The following SLC41A2 variants were observed in gnomAD, a reference collection of about 807,000 sequenced individuals.
SLC41A2 encodes SLC41A1-like 1.
A neutral mutation model predicts 58.3 loss-of-function variants in SLC41A2; 32 were observed. That is an observed-to-expected ratio of 0.55 (90% confidence interval 0.41 to 0.74). SLC41A2 has a LOEUF of 0.74. SLC41A2 is among the 30% of genes least tolerant of loss of function. SLC41A2 has a pLI of 0.00. For synonymous variants in SLC41A2, 190 were observed against 235.0 expected, an observed-to-expected ratio of 0.81 and a Z score of 1.75; for missense variants, 514 against 680.6, an observed-to-expected ratio of 0.76 and a Z score of 2.72.
At chr12:104,870,118 A>G (rs1337886570) in intron 6 of SLC41A2, among the ~76,000 whole-genome samples, 1 of 152,232 alleles carries the variant, frequency 6.6e-6, no homozygotes, top group Non-Finnish European at 1.5e-5. Context: ...TGGGATGGGA[A>G]TATTATCCTG....
intron 3 of SLC41A2, 45 bp from the exon 4 acceptor site, chr12:104,895,390 T>C (rs748950255): frequency 1.3e-5 from 17 of 1,351,368 alleles, no homozygotes; most frequent in Non-Finnish European, 1.8e-5. Context: ...AAAATCTACA[T>C]GTTCTCTGCT....
rs535617637 is a variant in SLC41A2 at position 104,857,153 on chromosome 12, GCTT to G, written c.1255+4135_1255+4137del. The stretch of plus-strand genomic sequence containing the variant: ...TGGTATTTCAAGTATAGTGACATAA[GCTT>G]CTTATCCTATATGTAAAGTGGTTTA... On this transcript the variant is annotated intron_variant, in intron 8 of 10. Transcript: ENST00000258538. Among the ~76,000 whole-genome samples the G allele has an allele frequency of 5.1e-3, 783 of 152,300 alleles. 1 individual carries two copies. Among genetic ancestry groups the G allele is most frequent in the Middle Eastern group, 0.01 (3 of 294 alleles).
chr12:104,946,343 G>C (rs1216668275), intron 1 of SLC41A2, among the ~76,000 whole-genome samples: 1 of 152,080 alleles, frequency 6.6e-6, no homozygotes, highest in East Asian at 1.9e-4. Context: ...TGTGATCCTG[G>C]CTCACTTTTT....
chr12:104,843,236 C>T (rs907652954), intron 10 of SLC41A2, among the ~76,000 whole-genome samples: 6 of 151,542 alleles, frequency 4.0e-5, no homozygotes, highest in Non-Finnish European at 5.9e-5. Flanking sequence ...CTCTAGACTA[C>T]GAGACCTTGA....
chr12:104,908,173 G>A (rs2045933702), intron 3 of SLC41A2, among the ~76,000 whole-genome samples: 1 of 152,178 alleles, frequency 6.6e-6, no homozygotes, highest in Non-Finnish European at 1.5e-5. Flanking sequence ...GCTGAGGCAG[G>A]AGAATTGCTT....
intron 10 of SLC41A2, among the ~76,000 whole-genome samples, chr12:104,839,363 C>T (rs1324374188): frequency 6.6e-6 from 1 of 151,826 alleles, no homozygotes; most frequent in Non-Finnish European, 1.5e-5. Context: ...AACAGTAAAA[C>T]AAAAGGGGTT....
At chr12:104,887,649 G>T (rs1565874943) in intron 5 of SLC41A2, among the ~76,000 whole-genome samples, 1 of 151,992 alleles carries the variant, frequency 6.6e-6, no homozygotes, top group African/African-American at 2.4e-5. Flanking sequence ...CACATTTGAA[G>T]ATGTATATGG....
At chr12:104,845,203 G>T in intron 9 of SLC41A2, among the ~76,000 whole-genome samples, 1 of 152,074 alleles carries the variant, frequency 6.6e-6, no homozygotes, top group East Asian at 1.9e-4. Flanking sequence ...GATGTGGGAG[G>T]ATCACCTGAG....
At chr12:104,952,177 C>T (rs778523872) in intron 1 of SLC41A2, among the ~76,000 whole-genome samples, 1 of 152,062 alleles carries the variant, frequency 6.6e-6, no homozygotes, top group Non-Finnish European at 1.5e-5. Flanking sequence ...GAAACAGCAA[C>T]GTCATGTCTA....
chr12:104,861,315 C>T lies in SLC41A2; in HGVS notation c.1231G>A (p.Val411Ile), dbSNP rs764526539. The change falls in exon 8 of 11, where the codon GTT becomes ATT. Residue 411 changes from valine (V) to isoleucine (I), a missense_variant. This residue lies in a region of SLC41A2 where 50 missense variants were observed against 104.5 expected (regional missense o/e 0.48). Transcript: ENST00000258538. ...TVSDPNLVGI[V>I]VYTPVINGIG... ...CCATTAATAACTGGCGTGTAAACAACAATCCCAACCAAGTTTGGGTCTGAT... is the reference window on the plus strand; with the variant it reads ...CCATTAATAACTGGCGTGTAAACAATAATCCCAACCAAGTTTGGGTCTGAT... 2.5e-6 allele frequency: 4 copies of T among 1,613,220 alleles called. No individual in the cohort carries two copies. The highest frequency in any genetic ancestry group is 2.5e-6 in the Non-Finnish European group (3 of 1,179,356).
Position 104,803,974 on chromosome 12 carries a change from A to G in SLC41A2, c.*1178T>C, listed in dbSNP as rs902720752. On this transcript the variant is annotated 3_prime_UTR_variant, in exon 11 of 11. Coordinates refer to ENST00000258538, the MANE Select transcript of SLC41A2 (RefSeq NM_001352171.3). ...TAAAATAAGAAATTATTAATTATTA[A>G]TTAGAGTGTAGGTAACAAATTAGCT... The G allele has an allele frequency of 6.6e-6, 1 of 151,604 alleles. No homozygotes were observed. Among genetic ancestry groups the G allele is most frequent in the Non-Finnish European group, 1.5e-5 (1 of 67,916 alleles). 9.4% of individuals were successfully genotyped at this position (151,604 alleles called of 1,614,324 possible).
intron 7 of SLC41A2, among the ~76,000 whole-genome samples, chr12:104,863,196 G>A (rs980620892): frequency 5.3e-5 from 8 of 152,290 alleles, no homozygotes; most frequent in Non-Finnish European, 7.4e-5. Flanking sequence ...CCAGCACTCC[G>A]GGAGGCCGAA....
chr12:104,901,687 C>A (rs1368008619), intron 3 of SLC41A2, among the ~76,000 whole-genome samples: 1 of 152,046 alleles, frequency 6.6e-6, no homozygotes, highest in Non-Finnish European at 1.5e-5. Flanking sequence ...GTAGCTAAGA[C>A]CGCAGGTATG....
chr12:104,861,449 C>A, intron 7 of SLC41A2, 79 bp from the exon 8 acceptor site: 1 of 739,806 alleles, frequency 1.4e-6, no homozygotes, highest in Non-Finnish European at 2.1e-6. Context: ...ACAGACACCC[C>A]TCCTTTTTAA....
chr12:104,898,754 T>A (rs553670269), intron 3 of SLC41A2, among the ~76,000 whole-genome samples: 7 of 152,086 alleles, frequency 4.6e-5, no homozygotes, highest in Non-Finnish European at 1.0e-4. Flanking sequence ...AGGGCTGCTA[T>A]CCAAAATACT....
At chr12:104,901,901 G>A (rs2045583790) in intron 3 of SLC41A2, among the ~76,000 whole-genome samples, 1 of 152,058 alleles carries the variant, frequency 6.6e-6, no homozygotes, top group Non-Finnish European at 1.5e-5. Flanking sequence ...TATGTTTTAA[G>A]TTCTTTATCT....
chr12:104,908,606 C>T (rs777153398), intron 3 of SLC41A2, among the ~76,000 whole-genome samples: 5 of 152,226 alleles, frequency 3.3e-5, no homozygotes. Flanking sequence ...TTTTGGCTAG[C>T]ATTTCACAGG....
rs527496927 is a variant in SLC41A2 at position 104,802,960 on chromosome 12, T to G, written c.*2192A>C. Reference sequence around the variant, plus strand: ...TGGTCATTTTGCAGCTGTACAACCTTAGAAATGTAAGTTCTCTGAATTTCG... The same window carrying G: ...TGGTCATTTTGCAGCTGTACAACCTGAGAAATGTAAGTTCTCTGAATTTCG... On this transcript the variant is annotated 3_prime_UTR_variant, in exon 11 of 11. Transcript: ENST00000258538. 1.3e-5 allele frequency: 2 copies of G among 152,288 alleles called. No individual in the cohort carries two copies. Among genetic ancestry groups the G allele is most frequent in the East Asian group, 3.9e-4 (2 of 5,192 alleles). 9.4% of individuals were successfully genotyped at this position (152,288 alleles called of 1,614,324 possible).
intron 10 of SLC41A2, among the ~76,000 whole-genome samples, chr12:104,843,718 G>C (rs1166765633): frequency 1.3e-5 from 2 of 152,018 alleles, no homozygotes; most frequent in Non-Finnish European, 1.5e-5. Context: ...AACAAATGAA[G>C]TTTTAATCTT....
Sources: allele counts gnomAD v4.1 joint callset (sites outside exome capture counted in the v4.1 genomes callset), GRCh38; gene constraint gnomAD v4.1.1; regional missense constraint gnomAD v4.1.1; transcripts MANE v1.5; gene names NCBI Gene and HGNC (gene_info 2026-07-23, HGNC 2026-07-21).